NALF1: variants seen among roughly 807,000 people sequenced by gnomAD.
NALF1 encodes the protein NALCN channel auxiliary factor 1, also known as family with sequence similarity 155 member A.
Under a neutral mutation model 48.4 loss-of-function variants are expected in NALF1, and 3 were observed. The observed-to-expected ratio is 0.06, with a 90% CI of 0.03 to 0.16. The LOEUF is 0.16. Ranked by LOEUF, NALF1 falls within the 10% of genes least tolerant of loss-of-function variation. NALF1 has a pLI of 1.00. For missense variants in NALF1, 526 were observed against 571.5 expected (o/e 0.92, Z 0.81); for synonymous variants, 262 against 245.7 (o/e 1.07, Z -0.62).
chr13:107,497,324 T>G (rs1006647379), intron 1 of NALF1, among the ~76,000 whole-genome samples: 1 of 152,314 alleles, frequency 6.6e-6, no homozygotes, highest in Admixed American at 6.5e-5. Flanking sequence ...AAACACAATT[T>G]ATGTAACAGA....
chr13:107,397,730 C>T (rs766250633), intron 1 of NALF1, among the ~76,000 whole-genome samples: 32 of 152,068 alleles, frequency 2.1e-4, no homozygotes, highest in Admixed American at 3.3e-4. Flanking sequence ...TAGTTTCCAA[C>T]GTTATGCCCT....
intron 2 of NALF1, among the ~76,000 whole-genome samples, chr13:107,175,471 C>G (rs1418957964): frequency 2.0e-5 from 3 of 152,248 alleles, no homozygotes; most frequent in East Asian, 3.9e-4. Context: ...TTTCTAATTT[C>G]TAAGAGGTTT....
intron 1 of NALF1, among the ~76,000 whole-genome samples, chr13:107,295,993 G>T (rs923139535): frequency 6.6e-6 from 1 of 152,144 alleles, no homozygotes; most frequent in Non-Finnish European, 1.5e-5. Context: ...AAAAATGCTT[G>T]CCAGAATACA....
intron 1 of NALF1, among the ~76,000 whole-genome samples, chr13:107,649,441 G>A (rs1415123823): frequency 1.3e-5 from 2 of 152,042 alleles, no homozygotes; most frequent in Non-Finnish European, 2.9e-5. Flanking sequence ...ATGCAGTTGT[G>A]TTTTCTCCAG....
intron 1 of NALF1, among the ~76,000 whole-genome samples, chr13:107,630,013 CT>C (rs1177403610): frequency 6.6e-6 from 1 of 152,080 alleles, no homozygotes; most frequent in Non-Finnish European, 1.5e-5. Flanking sequence ...AATCTATCAT[CT>C]ATCTCTCTCT....
At position 107,164,355 on chromosome 13, in the gene NALF1, A is replaced by G. The variant is rs1878616731; in HGVS notation, c.*6142T>C. On this transcript the variant is annotated 3_prime_UTR_variant, in exon 3 of 3. Coordinates refer to ENST00000375915, the MANE Select transcript of NALF1 (RefSeq NM_001080396.3). ...TTTCTAACTTTTTCACTGTTATTTC[A>G]TTCTATAATAATTATAGTGTTAATT... 1 of 152,142 alleles carries G rather than the reference A, an allele frequency of 6.6e-6. No homozygotes were observed. The highest frequency in any genetic ancestry group is 1.5e-5 in the Non-Finnish European group (1 of 68,028). 9.4% of individuals were successfully genotyped at this position (152,142 alleles called of 1,614,324 possible). A position where few individuals can be genotyped will look rare whatever the true frequency, so the allele number is the denominator to read the frequency against.
chr13:107,600,256 A>G lies in NALF1; in HGVS notation c.915+265426T>C, dbSNP rs574628235. Among the ~76,000 whole-genome samples, 5 of 152,306 alleles carry G rather than the reference A, an allele frequency of 3.3e-5. No homozygotes were observed. The South Asian group carries it at 1.0e-3, about 32-fold the overall frequency. On this transcript the variant is annotated intron_variant, in intron 1 of 2. Transcript: ENST00000375915. ...ACGTTTATCTAGGTAATGTGATAGT[A>G]TCCTCTATAAGACTCAGGGATACAC...
intron 1 of NALF1, among the ~76,000 whole-genome samples, chr13:107,730,331 C>A (rs1225654912): frequency 6.6e-6 from 1 of 152,198 alleles, no homozygotes; most frequent in Admixed American, 6.5e-5. Context: ...TGTCTAACAA[C>A]CTAGTCTTAT....
intron 1 of NALF1, among the ~76,000 whole-genome samples, chr13:107,242,336 G>T (rs1046032795): frequency 6.6e-6 from 1 of 152,314 alleles, no homozygotes; most frequent in South Asian, 2.1e-4. Flanking sequence ...CTCATGCTGG[G>T]AAGGCCCTTC....
At chr13:107,586,336 C>T (rs942662144) in intron 1 of NALF1, among the ~76,000 whole-genome samples, 2 of 151,982 alleles carry the variant, frequency 1.3e-5, no homozygotes, top group Non-Finnish European at 2.9e-5. Context: ...AGTCTTATAC[C>T]CCTTTACTAA....
chr13:107,541,977 G>C (rs1171409820), intron 1 of NALF1, among the ~76,000 whole-genome samples: 1 of 152,014 alleles, frequency 6.6e-6, no homozygotes, highest in African/African-American at 2.4e-5. Context: ...ACAACCTCAA[G>C]GTCTCTGTGG....
At position 107,851,805 on chromosome 13, in the gene NALF1, C is replaced by CATTTTTTTTTTTTTTTTTTT. The variant is rs1555329721; in HGVS notation, c.915+13876_915+13877insAAAAAAAAAAAAAAAAAAAT. Among the ~76,000 whole-genome samples the CATTTTTTTTTTTTTTTTTTT allele has an allele frequency of 2.4e-4, 25 of 104,730 alleles. 7 individuals carry two copies. The highest frequency in any genetic ancestry group is 2.0e-3 in the East Asian group (7 of 3,490). The allele number at this position is 104,730 out of a possible 152,430, so 68.7% of individuals were successfully genotyped here. A position where few individuals can be genotyped will look rare whatever the true frequency, so the allele number is the denominator to read the frequency against. ...GGATTAAGGGCTTTACAGGCCCTTTCTTTTTTTTTTTTTTTTTTTTTGAGA... is the reference window on the plus strand; with the variant it reads ...GGATTAAGGGCTTTACAGGCCCTTTCATTTTTTTTTTTTTTTTTTTTTTTTTTTTTTTTTTTTTTTTGAGA... On this transcript the variant is annotated intron_variant, in intron 1 of 2. Transcript: ENST00000375915.
intron 1 of NALF1, among the ~76,000 whole-genome samples, chr13:107,270,146 C>T (rs1881131143): frequency 6.6e-6 from 1 of 151,830 alleles, no homozygotes; most frequent in South Asian, 2.1e-4. Flanking sequence ...CTATATGAGG[C>T]CATCAAAATG....
At chr13:107,172,768 C>G (rs1369948583) in intron 2 of NALF1, among the ~76,000 whole-genome samples, 1 of 151,954 alleles carries the variant, frequency 6.6e-6, no homozygotes, top group Non-Finnish European at 1.5e-5. Context: ...TCTAGAAGTC[C>G]TTTAGATCAA....
At chr13:107,559,496 G>C (rs1289414824) in intron 1 of NALF1, among the ~76,000 whole-genome samples, 1 of 152,162 alleles carries the variant, frequency 6.6e-6, no homozygotes, top group African/African-American at 2.4e-5. Context: ...GTTTCTATCT[G>C]AGCTTCCTAG....
chr13:107,783,149 G>A (rs1877962351), intron 1 of NALF1, among the ~76,000 whole-genome samples: 1 of 125,140 alleles, frequency 8.0e-6, no homozygotes, highest in Non-Finnish European at 1.7e-5. Context: ...GGGAAGTGAG[G>A]AGCCCCTCTG....
intron 1 of NALF1, among the ~76,000 whole-genome samples, chr13:107,681,354 G>A (rs535199159): frequency 2.2e-4 from 34 of 152,260 alleles, no homozygotes; most frequent in African/African-American, 7.5e-4. Context: ...AGTCCAACAC[G>A]TGAATGAGAT....
chr13:107,525,305 A>C (rs1261517942), intron 1 of NALF1, among the ~76,000 whole-genome samples: 1 of 152,084 alleles, frequency 6.6e-6, no homozygotes, highest in African/African-American at 2.4e-5. Flanking sequence ...GATGGTCAAT[A>C]ATCTGTTCTC....
chr13:107,637,606 C>G (rs1880013497), intron 1 of NALF1, among the ~76,000 whole-genome samples: 1 of 152,132 alleles, frequency 6.6e-6, no homozygotes, highest in Non-Finnish European at 1.5e-5. Context: ...AGTACTGTAC[C>G]TGACTGCCAC....
Sources: allele counts gnomAD v4.1 joint callset (sites outside exome capture counted in the v4.1 genomes callset), GRCh38; gene constraint gnomAD v4.1.1; transcripts MANE v1.5; gene names NCBI Gene and HGNC (gene_info 2026-07-23, HGNC 2026-07-21).